The following ANXA2 variants were observed in gnomAD, a reference collection of about 807,000 sequenced individuals.
ANXA2 encodes the protein annexin II.
In ANXA2, 28 loss-of-function variants were observed where a neutral mutation model predicts 47.3. The observed-to-expected ratio is 0.59, with a 90% CI of 0.44 to 0.81. ANXA2 has a LOEUF of 0.81. Ranked by LOEUF, ANXA2 falls within the 40% of genes least tolerant of loss-of-function variation. ANXA2 has a pLI of 0.00. For missense variants in ANXA2, 384 were observed against 414.3 expected (o/e 0.93, Z 0.64); for synonymous variants, 172 against 155.5 (o/e 1.11, Z -0.79).
chr15:60,394,789 C>A (rs1229194583), intron 1 of ANXA2: 2 of 151,880 alleles, frequency 1.3e-5, no homozygotes, highest in Non-Finnish European at 2.9e-5. Flanking sequence ...CCCAGAAGGA[C>A]AAATATGGGC....
chr15:60,348,372 T>C (rs1017089492), intron 12 of ANXA2, among the ~76,000 whole-genome samples: 4 of 152,102 alleles, frequency 2.6e-5, no homozygotes, highest in African/African-American at 4.8e-5. Flanking sequence ...GCTAAACTGA[T>C]TGGAGAGATG....
intron 7 of ANXA2, 92 bp from the exon 8 acceptor site, chr15:60,354,305 T>A: frequency 9.6e-7 from 1 of 1,040,054 alleles, no homozygotes; most frequent in Admixed American, 2.4e-5. Flanking sequence ...CGCCATTATT[T>A]AATTTCCTAA....
chr15:60,397,024 T>A (rs369581835), intron 1 of ANXA2, among the ~76,000 whole-genome samples: 1 of 152,330 alleles, frequency 6.6e-6, no homozygotes, highest in African/African-American at 2.4e-5. Flanking sequence ...AGAATAGGCA[T>A]CCTTAAGCCA....
At chr15:60,349,357 C>T (rs1425674684) in intron 11 of ANXA2, among the ~76,000 whole-genome samples, 160 bp from the exon 12 acceptor site, 2 of 152,172 alleles carry the variant, frequency 1.3e-5, no homozygotes, top group Non-Finnish European at 2.9e-5. Flanking sequence ...AAAAATTCCA[C>T]ATACAGCACT....
chr15:60,360,117 G>A (rs1048686984), intron 5 of ANXA2, among the ~76,000 whole-genome samples: 5 of 152,158 alleles, frequency 3.3e-5, no homozygotes, highest in Non-Finnish European at 7.4e-5. Context: ...TTAGCTGGGC[G>A]TAGTGGCGCA....
chr15:60,349,035 C>G, intron 12 of ANXA2, 40 bp downstream of exon 12: 2 of 1,612,558 alleles, frequency 1.2e-6, no homozygotes, highest in South Asian at 1.1e-5. Context: ...CCGGGGTGCT[C>G]TGGACGGCAG....
chr15:60,376,672 G>C (rs542418694), intron 3 of ANXA2, among the ~76,000 whole-genome samples: 2 of 152,326 alleles, frequency 1.3e-5, no homozygotes, highest in South Asian at 4.1e-4. Flanking sequence ...ACCAAGAAGA[G>C]CAGGTGTGAC....
chr15:60,376,561 A>G (rs1236012567), intron 3 of ANXA2, among the ~76,000 whole-genome samples: 2 of 152,158 alleles, frequency 1.3e-5, no homozygotes, highest in African/African-American at 4.8e-5. Context: ...GAGCACAGCA[A>G]TTAGGAATAT....
At chr15:60,378,746 A>G (rs2062814558) in intron 3 of ANXA2, among the ~76,000 whole-genome samples, 1 of 152,240 alleles carries the variant, frequency 6.6e-6, no homozygotes, top group Admixed American at 6.5e-5. Flanking sequence ...TCAGCGGATC[A>G]CTTGAGGCCA....
chr15:60,349,557 C>T (rs1305096950), intron 11 of ANXA2, among the ~76,000 whole-genome samples: 2 of 152,004 alleles, frequency 1.3e-5, no homozygotes, highest in Non-Finnish European at 2.9e-5. Flanking sequence ...TAAAACATTC[C>T]TGGTCCCAAG....
intron 3 of ANXA2, among the ~76,000 whole-genome samples, chr15:60,378,974 A>G (rs1007208442): frequency 1.1e-4 from 16 of 151,314 alleles, no homozygotes; most frequent in African/African-American, 2.9e-4. Flanking sequence ...TACAATATAT[A>G]TATAAATAAG....
intron 1 of ANXA2, chr15:60,397,363 T>TTTTAATGTC (rs1386523288): frequency 5.1e-6 from 5 of 974,722 alleles, no homozygotes; most frequent in Non-Finnish European, 6.1e-6. Flanking sequence ...ATAACTGACG[T>TTTTAATGTC]TTTAATGTCT....
In ANXA2 at chr15:60,347,221, G is replaced by A. The variant is rs925589277; in HGVS notation, c.*409C>T. On this transcript the variant is annotated 3_prime_UTR_variant, in exon 13 of 13. Transcript: ENST00000451270. ...ACACTTGGATAGGGGCAACCATACT[G>A]TACAGCTCAGTCCCAGAGCTTTCTT... The A allele has an allele frequency of 4.7e-6, 1 of 214,650 alleles. No individual in the cohort carries two copies. Among genetic ancestry groups the A allele is most frequent in the Non-Finnish European group, 9.4e-6 (1 of 106,794 alleles). 13.3% of individuals were successfully genotyped at this position (214,650 alleles called of 1,614,324 possible).
intron 6 of ANXA2, 70 bp from the exon 7 acceptor site, chr15:60,356,068 T>A: frequency 3.3e-6 from 4 of 1,194,368 alleles, no homozygotes. Context: ...AATCTCCCCA[T>A]TTCCCACTAA....
intron 3 of ANXA2, among the ~76,000 whole-genome samples, chr15:60,376,580 G>A (rs987742843): frequency 3.3e-5 from 5 of 152,154 alleles, no homozygotes; most frequent in African/African-American, 7.2e-5. Context: ...ATATTCTCTC[G>A]AGGGTGCCAG....
chr15:60,360,821 TA>T, intron 5 of ANXA2, 119 bp downstream of exon 5: 1 of 677,442 alleles, frequency 1.5e-6, no homozygotes, highest in Non-Finnish European at 2.6e-6. Context: ...AGTTCATTTT[TA>T]AAAAATGGTT....
intron 3 of ANXA2, among the ~76,000 whole-genome samples, chr15:60,368,776 G>A (rs917696501): frequency 6.6e-6 from 1 of 151,860 alleles, no homozygotes; most frequent in African/African-American, 2.4e-5. Context: ...TTTAATACCC[G>A]GTGAGTGGCA....
At chr15:60,350,789 G>A (rs1895973313) in intron 11 of ANXA2, among the ~76,000 whole-genome samples, 1 of 152,140 alleles carries the variant, frequency 6.6e-6, no homozygotes, top group African/African-American at 2.4e-5. Context: ...AAGCCTCAGA[G>A]GTTGTTATGC....
intron 3 of ANXA2, among the ~76,000 whole-genome samples, chr15:60,379,148 G>A (rs1278282183): frequency 7.3e-5 from 11 of 150,072 alleles, no homozygotes; most frequent in South Asian, 4.2e-4. Flanking sequence ...GTGTGGTGGC[G>A]CACACCTGTA....
Sources: gnomAD v4.1 joint callset for allele counts (sites outside exome capture counted in the v4.1 genomes callset) on GRCh38, gnomAD v4.1.1 for gene constraint, MANE v1.5 for transcripts, NCBI Gene and HGNC (gene_info 2026-07-23, HGNC 2026-07-21) for gene names.